Variants in RYR2 observed in about 807,000 individuals in gnomAD.
The protein encoded by RYR2 is cardiac muscle ryanodine receptor-calcium release channel.
A neutral mutation model predicts 601.1 loss-of-function variants in RYR2; 227 were observed. That is an observed-to-expected ratio of 0.38 (90% CI 0.34 to 0.42). The LOEUF (loss-of-function observed/expected upper bound fraction) is 0.42. Among genes scored for constraint, RYR2 ranks in the 10% least tolerant of loss-of-function variants. The pLI, the probability that RYR2 is intolerant of heterozygous loss-of-function variation, is 1.00. For missense variants in RYR2, 4,646 were observed against 6,156.5 expected (o/e 0.75, Z 8.21); for synonymous variants, 2,223 against 2,175.1 (o/e 1.02, Z -0.61).
At chr1:237,640,651 C>G (rs1681370921) in intron 46 of RYR2, among the ~76,000 whole-genome samples, 1 of 152,168 alleles carries the variant, frequency 6.6e-6, no homozygotes, top group Admixed American at 6.5e-5. Context: ...TCCTCCTTTT[C>G]CCCTCAAAGG....
intron 71 of RYR2, 94 bp from the exon 72 acceptor site, chr1:237,717,104 G>T: frequency 2.7e-6 from 3 of 1,094,638 alleles, no homozygotes; most frequent in Non-Finnish European, 2.6e-6. Flanking sequence ...AGCAGAAAAT[G>T]AGGAAGATGA....
chr1:237,662,020 C>T (rs1683850161), intron 56 of RYR2, among the ~76,000 whole-genome samples: 1 of 151,738 alleles, frequency 6.6e-6, no homozygotes, highest in Non-Finnish European at 1.5e-5. Flanking sequence ...GTGGTTTACA[C>T]CAAATATTGT....
At chr1:237,506,873 C>T (rs199854494) in intron 23 of RYR2, 59 bp downstream of exon 23, 2 of 1,356,302 alleles carry the variant, frequency 1.5e-6, no homozygotes, top group Non-Finnish European at 2.1e-6. Flanking sequence ...GAAAACATAA[C>T]TTTTTCTGCC....
At position 237,346,367 on chromosome 1, in the gene RYR2, C is replaced by CAAAAAAAAAAAA. The variant is rs397975831; in HGVS notation, c.274-9592_274-9581dup. ...CTGGGCAAAGTGAGAGGGTCTACCT[C>CAAAAAAAAAAAA]AAAAAAAAAAAAAAAAAGTGCATAT... On this transcript the variant is annotated intron_variant, in intron 3 of 104. Transcript: ENST00000366574. Among the ~76,000 whole-genome samples, 29 of 62,332 alleles carry CAAAAAAAAAAAA rather than the reference C, an allele frequency of 4.7e-4. 2 individuals are homozygous for CAAAAAAAAAAAA. Among genetic ancestry groups the CAAAAAAAAAAAA allele is most frequent in the African/African-American group, 1.4e-3 (25 of 17,754 alleles). The allele number at this position is 62,332 out of a possible 152,430, so 40.9% of individuals were successfully genotyped here. A position where few individuals can be genotyped will look rare whatever the true frequency, so the allele number is the denominator to read the frequency against.
intron 24 of RYR2, among the ~76,000 whole-genome samples, chr1:237,522,702 A>G (rs1172588503): frequency 6.6e-6 from 1 of 152,260 alleles, no homozygotes; most frequent in Non-Finnish European, 1.5e-5. Flanking sequence ...AATCTCAGTC[A>G]GTAACTGGGT....
Position 237,075,170 on chromosome 1 carries a change from C to A in RYR2, c.48+32601C>A, listed in dbSNP as rs927835833. ...AGCCTGTTTCATAGTTCTGCTTATGCAGGATTTTCTGCCTTTTTTTTTGGC... is the reference window on the plus strand; with the variant it reads ...AGCCTGTTTCATAGTTCTGCTTATGAAGGATTTTCTGCCTTTTTTTTTGGC... On this transcript the variant is annotated intron_variant, in intron 1 of 104. Transcript: ENST00000366574. Among the ~76,000 whole-genome samples the A allele has an allele frequency of 2.0e-5, 3 of 152,096 alleles. No individual in the cohort carries two copies. The South Asian group carries it at 6.2e-4, about 32-fold the overall frequency.
Position 237,207,880 on chromosome 1 carries a change from C to T in RYR2, c.49-62617C>T, listed in dbSNP as rs12164535. ...CTTTTAATTGTAAAAACTGCAATTACGTTTGTATCAACCTGAGAGCATATT... is the reference window on the plus strand; with the variant it reads ...CTTTTAATTGTAAAAACTGCAATTATGTTTGTATCAACCTGAGAGCATATT... On this transcript the variant is annotated intron_variant, in intron 1 of 104. Transcript: ENST00000366574. Among the ~76,000 whole-genome samples, 1,039 of 152,274 alleles carry T rather than the reference C, an allele frequency of 6.8e-3. 10 individuals carry two copies. The highest frequency in any genetic ancestry group is 0.024 in the African/African-American group (997 of 41,552).
intron 35 of RYR2, among the ~76,000 whole-genome samples, chr1:237,607,839 G>A (rs1573083216): frequency 6.6e-6 from 1 of 152,130 alleles, no homozygotes; most frequent in South Asian, 2.1e-4. Flanking sequence ...TGGTGACCTT[G>A]GACATCTTTC....
chr1:237,209,855 C>CA (rs1682372166), intron 1 of RYR2, among the ~76,000 whole-genome samples: 1 of 151,624 alleles, frequency 6.6e-6, no homozygotes, highest in Non-Finnish European at 1.5e-5. Flanking sequence ...GATCTTGTCT[C>CA]AAAAAAAGAA....
In RYR2 at chr1:237,459,761, A is replaced by G. The variant is rs1659258269; in HGVS notation, c.1612+3026A>G. Among the ~76,000 whole-genome samples, 2 of 152,192 alleles carry G rather than the reference A, an allele frequency of 1.3e-5. 1 individual carries two copies. The highest frequency in any genetic ancestry group is 4.1e-4 in the South Asian group (2 of 4,836). ...GATTATTTTAGAACCTACAAAAGTA[A>G]CATTAATAGACTTTACAAAATGTTG... On this transcript the variant is annotated intron_variant, in intron 16 of 104. Transcript: ENST00000366574.
intron 63 of RYR2, among the ~76,000 whole-genome samples, chr1:237,697,494 TATATA>T (rs1004554656): frequency 4.1e-5 from 6 of 145,006 alleles, no homozygotes; most frequent in South Asian, 2.1e-4. Context: ...AAATATATAT[TATATA>T]ATATAATTAT....
intron 1 of RYR2, among the ~76,000 whole-genome samples, chr1:237,193,418 C>T (rs771154385): frequency 7.9e-5 from 12 of 152,092 alleles, no homozygotes; most frequent in Non-Finnish European, 1.6e-4. Flanking sequence ...AGAGATCGCG[C>T]CACTGCACTC....
At chr1:237,438,138 A>G (rs1707578473) in intron 12 of RYR2, among the ~76,000 whole-genome samples, 1 of 151,568 alleles carries the variant, frequency 6.6e-6, no homozygotes, top group African/African-American at 2.4e-5. Flanking sequence ...AATTATTTTC[A>G]TTTTTCTATT....
intron 1 of RYR2, among the ~76,000 whole-genome samples, chr1:237,223,638 A>G (rs74147204): frequency 0.072 from 10,933 of 152,156 alleles, 533 homozygotes; most frequent in East Asian, 0.23. Flanking sequence ...AGAGGGAGAG[A>G]ACTCACTAGT....
chr1:237,681,350 G>A (rs905174273), intron 62 of RYR2, among the ~76,000 whole-genome samples: 9 of 152,282 alleles, frequency 5.9e-5, no homozygotes, highest in Non-Finnish European at 7.4e-5. Flanking sequence ...AAGGCAGTAC[G>A]GTCTCCACCT....
chr1:237,478,259 G>T (rs1473372233), intron 17 of RYR2, among the ~76,000 whole-genome samples: 1 of 152,112 alleles, frequency 6.6e-6, no homozygotes. Flanking sequence ...TTTAGAGTTG[G>T]ACTGGCCTAA....
Position 237,131,416 on chromosome 1 carries a change from G to C in RYR2, c.48+88847G>C, listed in dbSNP as rs192478056. On this transcript the variant is annotated intron_variant, in intron 1 of 104. Coordinates refer to ENST00000366574, the MANE Select transcript of RYR2 (RefSeq NM_001035.3). ...CAAAAGAGTCAAGTGATGGGGTGGGGAGGGGGAACAAGGCCCATTGTCAAG... is the reference window on the plus strand; with the variant it reads ...CAAAAGAGTCAAGTGATGGGGTGGGCAGGGGGAACAAGGCCCATTGTCAAG... 3.1e-3 allele frequency among the ~76,000 whole-genome samples: 477 copies of C among 152,230 alleles called. 1 individual carries two copies. The highest frequency in any genetic ancestry group is 5.3e-3 in the Non-Finnish European group (360 of 68,010).
chr1:237,302,827 C>A (rs962917671), intron 2 of RYR2, among the ~76,000 whole-genome samples: 1 of 152,160 alleles, frequency 6.6e-6, no homozygotes. Flanking sequence ...CACTGTTCAA[C>A]ATTGCCTTAG....
At chr1:237,358,360 C>T (rs897270767) in intron 4 of RYR2, among the ~76,000 whole-genome samples, 2 of 152,062 alleles carry the variant, frequency 1.3e-5, no homozygotes, top group African/African-American at 4.8e-5. Flanking sequence ...GGGTTCCTCA[C>T]GCCCTACTTG....
Sources: gnomAD v4.1 joint callset for allele counts (sites outside exome capture counted in the v4.1 genomes callset) on GRCh38, gnomAD v4.1.1 for gene constraint, MANE v1.5 for transcripts, NCBI Gene and HGNC (gene_info 2026-07-23, HGNC 2026-07-21) for gene names.